CHEK2: variants seen among roughly 807,000 people sequenced by gnomAD.
CHEK2 encodes serine/threonine-protein kinase Chk2.
In CHEK2, 71 loss-of-function variants were observed where a neutral mutation model predicts 69.1. The observed-to-expected ratio is 1.03, with a 90% confidence interval of 0.85 to 1.25. The LOEUF is 1.25. Among genes scored for constraint, CHEK2 ranks in the 50% most tolerant of loss-of-function variants. The pLI is 0.00. For synonymous variants in CHEK2, 189 were observed against 226.9 expected, an observed-to-expected ratio of 0.83 and a Z score of 1.50; for missense variants, 664 against 649.6, an observed-to-expected ratio of 1.02 and a Z score of -0.24.
At chr22:28,731,743 G>T (rs533319310) in intron 2 of CHEK2, among the ~76,000 whole-genome samples, 1 of 151,958 alleles carries the variant, frequency 6.6e-6, no homozygotes, top group Non-Finnish European at 1.5e-5. Context: ...TGCCCAGCAG[G>T]TCTCAAACTC....
At chr22:28,712,295 C>A in intron 5 of CHEK2, 1 of 435,738 alleles carries the variant, frequency 2.3e-6, no homozygotes, top group South Asian at 3.5e-5. Context: ...CAGAAAGATA[C>A]TAAGAGAAAA....
At chr22:28,696,352 G>A (rs2145811252) in intron 10 of CHEK2, among the ~76,000 whole-genome samples, 1 of 152,262 alleles carries the variant, frequency 6.6e-6, no homozygotes, top group East Asian at 1.9e-4. Flanking sequence ...ACAGGGAAAG[G>A]CAGCGCATGT....
intron 4 of CHEK2, among the ~76,000 whole-genome samples, chr22:28,722,728 T>A (rs2146035811): frequency 6.6e-6 from 1 of 152,186 alleles, no homozygotes; most frequent in African/African-American, 2.4e-5. Context: ...TTTGGTTAGA[T>A]GGGGTCTCAC....
chr22:28,699,860 T>A lies in CHEK2; in HGVS notation c.986A>T (p.Tyr329Phe). Residue 329 changes from tyrosine to phenylalanine, a missense_variant, in exon 9 of 15, where the codon TAC (tyrosine) becomes TTC (phenylalanine). By Grantham distance (22) the Tyr-to-Phe change is conservative (BLOSUM62 3). Coordinates refer to ENST00000404276, the MANE Select transcript of CHEK2 (RefSeq NM_007194.4). Reference protein sequence around the residue: ...LKEATCKLYFYQMLLAVQYLH... With the variant: ...LKEATCKLYFFQMLLAVQYLH... Reference sequence around the variant, plus strand: ...TACCTGCACAGCCAAGAGCATCTGGTAAAAATAGAGCTTGCAGGTAGCTTC... The same window carrying A: ...TACCTGCACAGCCAAGAGCATCTGGAAAAAATAGAGCTTGCAGGTAGCTTC... 1 of 1,613,864 alleles carries A rather than the reference T, an allele frequency of 6.2e-7. No homozygotes were observed. Among genetic ancestry groups the A allele is most frequent in the Non-Finnish European group, 8.5e-7 (1 of 1,179,746 alleles).
chr22:28,724,920 C>T (rs2146054606), intron 4 of CHEK2, 57 bp downstream of exon 4: 1 of 1,568,934 alleles, frequency 6.4e-7, no homozygotes, highest in Non-Finnish European at 8.8e-7. Context: ...GACAAATTTT[C>T]CTCCTATGAG....
chr22:28,711,027 C>T (rs1477362951), intron 6 of CHEK2, among the ~76,000 whole-genome samples: 1 of 151,940 alleles, frequency 6.6e-6, no homozygotes, highest in Non-Finnish European at 1.5e-5. Context: ...GTGAGAATGG[C>T]ATTGTCTAGG....
At chr22:28,716,146 T>C (rs1319413537) in intron 5 of CHEK2, among the ~76,000 whole-genome samples, 1 of 152,080 alleles carries the variant, frequency 6.6e-6, no homozygotes, top group Non-Finnish European at 1.5e-5. Context: ...GTGCTGGGGT[T>C]ACAGGCATGA....
At chr22:28,732,510 G>A (rs969272717) in intron 2 of CHEK2, among the ~76,000 whole-genome samples, 3 of 152,090 alleles carry the variant, frequency 2.0e-5, no homozygotes, top group Non-Finnish European at 4.4e-5. Context: ...GTCTCTCAAC[G>A]TGCTGGGATT....
chr22:28,725,254 GA>G lies in CHEK2; in HGVS notation c.432del (p.Arg145GlyfsTer16), dbSNP rs1555927148. 6.2e-7 allele frequency: 1 copy of G among 1,614,038 alleles called. No individual in the cohort carries two copies. The highest frequency in any genetic ancestry group is 8.5e-7 in the Non-Finnish European group (1 of 1,180,008). On this transcript the variant is annotated frameshift_variant, in exon 3 of 15. Transcript: ENST00000404276. LOFTEE classifies it high-confidence loss of function. ...TATTCATTACCTACCCTGAAAATCC[GA>G]AAGTGTTTCTTGCTGTATGTTCGGT... ...DKYRTYSKKH[F>X]RIFREVGPKN...
At chr22:28,730,322 G>C (rs563194768) in intron 2 of CHEK2, 229 of 447,538 alleles carry the variant, frequency 5.1e-4, no homozygotes, top group South Asian at 1.5e-3. Flanking sequence ...AAAGCAGAAG[G>C]GAAAGGAAAG....
chr22:28,718,705 T>C lies in CHEK2; in HGVS notation c.683+690A>G, dbSNP rs548011184. Among the ~76,000 whole-genome samples, 28 of 148,914 alleles carry C rather than the reference T, an allele frequency of 1.9e-4. No individual in the cohort carries two copies. In the South Asian group the frequency reaches 5.3e-3, roughly 28 times the overall value. Reference sequence around the variant, plus strand: ...AAGACCAGCCTGGGCAACATGGTAATACCCCATCTCTACACAAAATACAAA... The same window carrying C: ...AAGACCAGCCTGGGCAACATGGTAACACCCCATCTCTACACAAAATACAAA... On this transcript the variant is annotated intron_variant, in intron 5 of 14. Coordinates refer to ENST00000404276, the MANE Select transcript of CHEK2 (RefSeq NM_007194.4).
chr22:28,705,366 T>C (rs2053078576), intron 7 of CHEK2, among the ~76,000 whole-genome samples: 1 of 152,014 alleles, frequency 6.6e-6, no homozygotes, highest in Non-Finnish European at 1.5e-5. Context: ...TGTGAGCCAC[T>C]GCACCCGGCC....
intron 5 of CHEK2, among the ~76,000 whole-genome samples, chr22:28,713,098 G>A (rs1475644319): frequency 2.0e-5 from 3 of 152,108 alleles, no homozygotes; most frequent in South Asian, 2.1e-4. Context: ...GTAGCCTTTC[G>A]TGTCTGGATT....
At chr22:28,739,208 G>A (rs556428321) in intron 1 of CHEK2, among the ~76,000 whole-genome samples, 14 of 152,168 alleles carry the variant, frequency 9.2e-5, no homozygotes, top group East Asian at 1.9e-4. Context: ...AGACGGAGAC[G>A]GAGGTTGCAG....
At position 28,741,757 on chromosome 22, in the gene CHEK2, CAT is replaced by C; in HGVS notation, c.-7+10_-7+11del. On this transcript the variant is annotated intron_variant, in intron 1 of 14. Transcript: ENST00000404276. The stretch of plus-strand genomic sequence containing the variant: ...CACCAAACACCCAACAGAAGTTCCC[CAT>C]ATGACTCACCGCGTGAGCCCACCTG... The C allele has an allele frequency of 2.4e-6, 1 of 413,558 alleles. No homozygotes were observed. Among genetic ancestry groups the C allele is most frequent in the Non-Finnish European group, 4.5e-6 (1 of 223,084 alleles). The allele number at this position is 413,558 out of a possible 1,614,324, so 25.6% of individuals were successfully genotyped here.
chr22:28,698,158 A>C (rs1232299360), intron 9 of CHEK2, among the ~76,000 whole-genome samples: 1 of 147,868 alleles, frequency 6.8e-6, no homozygotes, highest in East Asian at 2.0e-4. Context: ...TGGGAGCTCA[A>C]GGCAGGCGGA....
At chr22:28,712,054 T>G in intron 5 of CHEK2, 37 bp from the exon 6 acceptor site, 2 of 1,475,612 alleles carry the variant, frequency 1.4e-6, no homozygotes, top group Non-Finnish European at 1.9e-6. Flanking sequence ...TGTCTGAATG[T>G]TTTTAATTAT....
In CHEK2 at chr22:28,691,145, C is replaced by T. The variant is rs537782982; in HGVS notation, c.1462-1930G>A. On this transcript the variant is annotated intron_variant, in intron 13 of 14. Coordinates refer to ENST00000404276, the MANE Select transcript of CHEK2 (RefSeq NM_007194.4). ...ATCTCTTGGCAGCCCTTCAGTGAAG[C>T]CAAACAGAGTGGTCACAAGCCTAAT... is the stretch of plus-strand genomic sequence containing the variant. Among the ~76,000 whole-genome samples, 264 of 151,960 alleles carry T rather than the reference C, an allele frequency of 1.7e-3. 1 individual carries two copies. The highest frequency in any genetic ancestry group is 0.014 in the Middle Eastern group (4 of 294).
At chr22:28,696,483 C>T (rs1194639695) in intron 10 of CHEK2, among the ~76,000 whole-genome samples, 2 of 152,216 alleles carry the variant, frequency 1.3e-5, no homozygotes, top group Non-Finnish European at 2.9e-5. Flanking sequence ...AAGTGATTCT[C>T]GTGTCTCAGC....
Sources: gnomAD v4.1 joint callset for allele counts (sites outside exome capture counted in the v4.1 genomes callset) on GRCh38, gnomAD v4.1.1 for gene constraint, MANE v1.5 for transcripts, NCBI Gene and HGNC (gene_info 2026-07-23, HGNC 2026-07-21) for gene names.